Variants in WDR72 observed in about 807,000 individuals in gnomAD.
WDR72 encodes WD repeat-containing protein 72.
WDR72 carries 120 observed loss-of-function variants against 124.2 expected under a neutral mutation model. The observed-to-expected ratio is 0.97, with a 90% confidence interval of 0.83 to 1.12. WDR72 has a LOEUF of 1.12. WDR72 is among the 50% of genes most tolerant of loss of function. WDR72 has a pLI of 0.00. For synonymous variants in WDR72, 452 were observed against 441.7 expected, an observed-to-expected ratio of 1.02 and a Z score of -0.29; for missense variants, 1,387 against 1,278.8, an observed-to-expected ratio of 1.08 and a Z score of -1.29.
In WDR72 at chr15:53,706,111, T is replaced by C. The variant is rs1420833998; in HGVS notation, c.955-37A>G. On this transcript the variant is annotated intron_variant, in intron 9 of 19. Coordinates refer to ENST00000360509, the MANE Select transcript of WDR72 (RefSeq NM_182758.4). ...GTGAGCTTTTATGTAGGAAATATTC[T>C]AACTAGAGAGAGATGGCCACTGTTT... The C allele has an allele frequency of 9.3e-6, 15 of 1,610,320 alleles. No homozygotes were observed. The East Asian group carries it at 3.3e-4, about 36-fold the overall frequency.
chr15:53,671,184 G>A (rs930657127), intron 13 of WDR72, among the ~76,000 whole-genome samples: 1 of 152,164 alleles, frequency 6.6e-6, no homozygotes, highest in Non-Finnish European at 1.5e-5. Context: ...TGACCAAGAA[G>A]TCATAGTCTC....
At chr15:53,643,820 C>A (rs1229426004) in intron 14 of WDR72, among the ~76,000 whole-genome samples, 1 of 151,794 alleles carries the variant, frequency 6.6e-6, no homozygotes, top group Admixed American at 6.6e-5. Flanking sequence ...ACCTAGAGTA[C>A]CCTGTCACAA....
chr15:53,613,794 G>T (rs1425897160), intron 15 of WDR72, 37 bp from the exon 16 acceptor site: 3 of 1,402,360 alleles, frequency 2.1e-6, no homozygotes, highest in South Asian at 1.2e-5. Context: ...TTACTAAAAA[G>T]CATGAAAAAT....
chr15:53,631,798 A>G (rs2014439966), intron 14 of WDR72, among the ~76,000 whole-genome samples: 1 of 152,194 alleles, frequency 6.6e-6, no homozygotes, highest in Non-Finnish European at 1.5e-5. Flanking sequence ...GATGATTTAC[A>G]GTACCTGGTG....
chr15:53,750,779 C>T (rs952163742), intron 1 of WDR72, among the ~76,000 whole-genome samples: 1 of 152,044 alleles, frequency 6.6e-6, no homozygotes, highest in Non-Finnish European at 1.5e-5. Context: ...TTCAAAATTC[C>T]AGTGGAGGAA....
chr15:53,738,681 C>T (rs2140629780), intron 1 of WDR72, among the ~76,000 whole-genome samples: 2 of 152,262 alleles, frequency 1.3e-5, no homozygotes, highest in Middle Eastern at 6.8e-3. Flanking sequence ...ACTGCAACCT[C>T]CACTCCCGGG....
In WDR72 at chr15:53,702,213, A is replaced by G. The variant is rs1330911595; in HGVS notation, c.1490T>C (p.Phe497Ser). ...LDSCVILWDI[F>S]TEEILHKFFL... The stretch of plus-strand genomic sequence containing the variant: ...GAATTTATGCAAAATTTCTTCAGTA[A>G]AGATATCCCACAAGATCACACATGA... The change falls in exon 12 of 20, where the codon TTT becomes TCT. Residue 497 changes from phenylalanine to serine, a missense_variant. Coordinates refer to ENST00000360509, the MANE Select transcript of WDR72 (RefSeq NM_182758.4). 3 of 1,614,136 alleles carry G rather than the reference A, an allele frequency of 1.9e-6. No homozygotes were observed. The highest frequency in any genetic ancestry group is 2.5e-6 in the Non-Finnish European group (3 of 1,180,030).
At chr15:53,633,545 C>T (rs1224831279) in intron 14 of WDR72, among the ~76,000 whole-genome samples, 1 of 152,078 alleles carries the variant, frequency 6.6e-6, no homozygotes, top group Non-Finnish European at 1.5e-5. Context: ...ATTAACAAAA[C>T]AATTCTTCTC....
chr15:53,686,239 T>C (rs929430323), intron 13 of WDR72, among the ~76,000 whole-genome samples: 2 of 151,712 alleles, frequency 1.3e-5, no homozygotes, highest in Non-Finnish European at 1.5e-5. Flanking sequence ...ATGGACTAAA[T>C]GCTCCCATTA....
At position 53,515,379 on chromosome 15, in the gene WDR72, T is replaced by TTCAAG. The variant is rs1229304773; in HGVS notation, c.*2315_*2319dup. The TTCAAG allele has an allele frequency of 6.6e-6, 1 of 152,116 alleles. No individual in the cohort carries two copies. Among genetic ancestry groups the TTCAAG allele is most frequent in the Non-Finnish European group, 1.5e-5 (1 of 68,026 alleles). 9.4% of individuals were successfully genotyped at this position (152,116 alleles called of 1,614,324 possible). ...AGTTAACTGTGTGGCAATTTGCTAT[T>TTCAAG]TCAAGTCCTCTCATAACAGAAATTA... On this transcript the variant is annotated 3_prime_UTR_variant, in exon 20 of 20. Transcript: ENST00000360509.
rs1437495682 is a variant in WDR72, at chr15:53,640,046, C to G, written c.1963-23803G>C. Among the ~76,000 whole-genome samples the G allele has an allele frequency of 2.0e-5, 3 of 152,018 alleles. 1 individual carries two copies. The highest frequency in any genetic ancestry group is 6.3e-3 in the Middle Eastern group (2 of 316). ...AATATAATGGTTGAAGATGTTATTC[C>G]AGGTCTTTTAAAAAATAATAAAAAC... On this transcript the variant is annotated intron_variant, in intron 14 of 19. Coordinates refer to ENST00000360509, the MANE Select transcript of WDR72 (RefSeq NM_182758.4).
chr15:53,723,644 C>T (rs1567049499), intron 2 of WDR72, among the ~76,000 whole-genome samples: 1 of 152,198 alleles, frequency 6.6e-6, no homozygotes, highest in Non-Finnish European at 1.5e-5. Flanking sequence ...GCCCCACACC[C>T]CATGCCCCAT....
chr15:53,710,826 C>A (rs779551571), intron 9 of WDR72, 31 bp downstream of exon 9: 14 of 1,543,648 alleles, frequency 9.1e-6, no homozygotes, highest in Admixed American at 1.7e-5. Context: ...AGTGAAACAG[C>A]TTTGAGGCAG....
upstream of WDR72, among the ~76,000 whole-genome samples, chr15:53,760,093 TACAG>T (rs552552901): frequency 7.9e-5 from 12 of 151,710 alleles, no homozygotes; most frequent in African/African-American, 2.4e-4. Flanking sequence ...CGTATTTTGA[TACAG>T]ACAAACAATG....
chr15:53,581,679 C>T (rs1482862127), intron 18 of WDR72, among the ~76,000 whole-genome samples: 2 of 152,020 alleles, frequency 1.3e-5, no homozygotes, highest in Non-Finnish European at 2.9e-5. Context: ...TCCTAACTCA[C>T]TTCGCAGAGC....
intron 13 of WDR72, among the ~76,000 whole-genome samples, chr15:53,666,759 C>T (rs1327638786): frequency 6.6e-6 from 1 of 152,036 alleles, no homozygotes; most frequent in East Asian, 1.9e-4. Flanking sequence ...TAATTGTAGG[C>T]CACTATGTCT....
At chr15:53,594,366 T>C (rs774833486) in intron 18 of WDR72, among the ~76,000 whole-genome samples, 3 of 147,020 alleles carry the variant, frequency 2.0e-5, no homozygotes, top group African/African-American at 7.6e-5. Flanking sequence ...ATAAGCAGAG[T>C]TGATGAAATT....
chr15:53,584,979 G>A (rs2012122550), intron 18 of WDR72, among the ~76,000 whole-genome samples: 1 of 151,962 alleles, frequency 6.6e-6, no homozygotes, highest in Admixed American at 6.6e-5. Flanking sequence ...GGCAAAAGCA[G>A]GGTTGCGTAA....
At chr15:53,752,733 C>T (rs2140897886) in intron 1 of WDR72, among the ~76,000 whole-genome samples, 1 of 152,274 alleles carries the variant, frequency 6.6e-6, no homozygotes, top group Admixed American at 6.5e-5. Context: ...AGTCAGAATG[C>T]AGATCTCAGT....
Sources: allele counts gnomAD v4.1 joint callset (sites outside exome capture counted in the v4.1 genomes callset), GRCh38; gene constraint gnomAD v4.1.1; transcripts MANE v1.5; gene names NCBI Gene and HGNC (gene_info 2026-07-23, HGNC 2026-07-21).